Variants in PHKA1 observed in about 807,000 individuals in gnomAD.
The protein encoded by PHKA1 is phosphorylase b kinase regulatory subunit alpha, skeletal muscle isoform.
Under a neutral mutation model 110.2 loss-of-function variants are expected in PHKA1, and 60 were observed. The ratio of observed to expected loss-of-function variants is 0.54; its 90% CI spans 0.44 to 0.68. PHKA1 has a LOEUF of 0.68. PHKA1 is among the 30% of genes least tolerant of loss of function. PHKA1 has a pLI of 0.00. For synonymous variants in PHKA1, 316 were observed against 333.6 expected (o/e 0.95, Z 0.58); for missense variants, 801 against 942.5 (o/e 0.85, Z 1.97).
In PHKA1 at chrX:72,615,071, C is replaced by T. The variant is rs181664292; in HGVS notation, c.2369+3639G>A. Among the ~76,000 whole-genome samples, 360 of 110,711 alleles carry T rather than the reference C, an allele frequency of 3.3e-3. 1 individual carries two copies. The highest frequency in any genetic ancestry group is 0.011 in the African/African-American group (346 of 30,488). On this transcript the variant is annotated intron_variant, in intron 21 of 31. Transcript: ENST00000373542. Reference sequence around the variant, plus strand: ...TATAAGGGAATCTTAATAAGCCTAACGGCAGACTTCTCAGCAGAACCCTTA... The same window carrying T: ...TATAAGGGAATCTTAATAAGCCTAATGGCAGACTTCTCAGCAGAACCCTTA...
intron 3 of PHKA1, among the ~76,000 whole-genome samples, chrX:72,697,461 TGCATGTGG>T (rs1556327790): frequency 9.1e-6 from 1 of 109,999 alleles, no homozygotes; most frequent in Non-Finnish European, 1.9e-5. Flanking sequence ...TGTATATGTG[TGCATGTGG>T]GCATGTTTGT....
At chrX:72,696,055 G>A (rs184032618) in intron 3 of PHKA1, among the ~76,000 whole-genome samples, 179 bp from the exon 4 acceptor site, 272 of 112,000 alleles carry the variant, frequency 2.4e-3, no homozygotes, top group African/African-American at 7.6e-3. Flanking sequence ...TGGAAAGTCT[G>A]TTATTGTTGT....
At chrX:72,662,963 A>G (rs2053577673) in intron 8 of PHKA1, among the ~76,000 whole-genome samples, 1 of 110,932 alleles carries the variant, frequency 9.0e-6, no homozygotes, top group Non-Finnish European at 1.9e-5. Flanking sequence ...AGATGTGCAT[A>G]TATCAATTCA....
chrX:72,652,317 A>G (rs1342086778), intron 12 of PHKA1, among the ~76,000 whole-genome samples: 3 of 111,429 alleles, frequency 2.7e-5, no homozygotes, highest in Non-Finnish European at 5.7e-5. Context: ...ATACAGTGCC[A>G]AAGTAGGGAG....
chrX:72,691,879 C>A lies in PHKA1; in HGVS notation c.454+3829G>T, dbSNP rs782522992. On this transcript the variant is annotated intron_variant, in intron 4 of 31. Transcript: ENST00000373542. ...TCTTTTTATTGGCTATTTGCCCTTG[C>A]TAAACTGCCAGTACAATTTTAGATA... 6.3e-5 allele frequency among the ~76,000 whole-genome samples: 7 copies of A among 111,854 alleles called. No individual in the cohort carries two copies. In the East Asian group the frequency reaches 2.0e-3, roughly 31 times the overall value.
rs192051123 is a variant in PHKA1, at chrX:72,606,256, A to G, written c.2607-637T>C. ...CATCTCTTCAGCATCCCACCCCTAC[A>G]ATGGAATACTAGCTGTGCCTTTTTG... On this transcript the variant is annotated intron_variant, in intron 23 of 31. Transcript: ENST00000373542. Among the ~76,000 whole-genome samples, 358 of 111,417 alleles carry G rather than the reference A, an allele frequency of 3.2e-3. 8 individuals are homozygous for G. Among genetic ancestry groups the G allele is most frequent in the Admixed American group, 0.028 (295 of 10,415 alleles).
At chrX:72,669,943 G>T (rs1556308199) in intron 6 of PHKA1, among the ~76,000 whole-genome samples, 1 of 110,722 alleles carries the variant, frequency 9.0e-6, no homozygotes, top group Non-Finnish European at 1.9e-5. Context: ...CTAGATCCCT[G>T]AGGAATCGCC....
rs1026939357 is a variant in PHKA1 at position 72,699,273 on chromosome X, C to T, written c.286-3397G>A. Among the ~76,000 whole-genome samples the T allele has an allele frequency of 2.8e-5, 3 of 109,050 alleles. No individual in the cohort carries two copies. In the East Asian group the frequency reaches 8.6e-4, roughly 31 times the overall value. The allele number at this position is 109,050 out of a possible 115,157, so 94.7% of individuals were successfully genotyped here. On this transcript the variant is annotated intron_variant, in intron 3 of 31. Coordinates refer to ENST00000373542, the MANE Select transcript of PHKA1 (RefSeq NM_002637.4). ...CTGTAATACCAGCACTCTGGGAGGC[C>T]GAGGCAGGTGGAGGGGGTCAAGAGA...
intron 3 of PHKA1, among the ~76,000 whole-genome samples, chrX:72,698,291 TAA>T (rs1453378397): frequency 8.9e-6 from 1 of 112,017 alleles, no homozygotes; most frequent in Non-Finnish European, 1.9e-5. Flanking sequence ...TAAACATATA[TAA>T]GAGATCTAAT....
intron 14 of PHKA1, among the ~76,000 whole-genome samples, chrX:72,640,134 T>A (rs2053278917): frequency 9.0e-6 from 1 of 111,373 alleles, no homozygotes; most frequent in Admixed American, 9.6e-5. Flanking sequence ...TCTTTCTAAG[T>A]GTAACAGCAA....
intron 6 of PHKA1, among the ~76,000 whole-genome samples, chrX:72,670,383 G>C (rs1298568305): frequency 3.6e-5 from 4 of 111,509 alleles, no homozygotes; most frequent in Non-Finnish European, 7.5e-5. Flanking sequence ...AGTTTAATTA[G>C]ATCCCATTTG....
intron 2 of PHKA1, among the ~76,000 whole-genome samples, chrX:72,709,959 T>G (rs975486028): frequency 1.1e-4 from 12 of 105,458 alleles, no homozygotes; most frequent in African/African-American, 4.2e-4. Flanking sequence ...GGAGAATCGC[T>G]TGAACCTGGG....
chrX:72,675,021 TAA>T (rs74372049), intron 6 of PHKA1, among the ~76,000 whole-genome samples: 8 of 87,480 alleles, frequency 9.1e-5, no homozygotes, highest in Admixed American at 2.6e-4. Flanking sequence ...CTGTCTCTAC[TAA>T]AAAAAAAAAA....
intron 29 of PHKA1, among the ~76,000 whole-genome samples, chrX:72,586,774 A>G (rs1237453266): frequency 2.7e-5 from 3 of 110,202 alleles, no homozygotes; most frequent in Admixed American, 9.8e-5. Flanking sequence ...CACAAGAACT[A>G]CGTGACGCAC....
At chrX:72,631,131 T>C (rs2053160821) in intron 16 of PHKA1, among the ~76,000 whole-genome samples, 1 of 108,728 alleles carries the variant, frequency 9.2e-6, no homozygotes, top group Non-Finnish European at 1.9e-5. Context: ...TCAGTTATTA[T>C]ATTTTTCAGT....
At chrX:72,659,426 A>G (rs962265210) in intron 8 of PHKA1, among the ~76,000 whole-genome samples, 5 of 111,054 alleles carry the variant, frequency 4.5e-5, no homozygotes, top group African/African-American at 9.8e-5. Flanking sequence ...AGAAACCAAC[A>G]TTTGGACACT....
chrX:72,656,261 A>T lies in PHKA1; in HGVS notation c.919-19T>A. The T allele has an allele frequency of 8.3e-7, 1 of 1,203,684 alleles. No homozygotes were observed. The highest frequency in any genetic ancestry group is 1.1e-6 in the Non-Finnish European group (1 of 888,524). Reference sequence around the variant, plus strand: ...TGGGATCCTAGTAAAAACACAATAAAGTCTGTCATCACTCAGAGGTTAGAT... The same window carrying T: ...TGGGATCCTAGTAAAAACACAATAATGTCTGTCATCACTCAGAGGTTAGAT... On this transcript the variant is annotated intron_variant, in intron 9 of 31. Coordinates refer to ENST00000373542, the MANE Select transcript of PHKA1 (RefSeq NM_002637.4).
At chrX:72,627,995 T>C (rs1203319551) in intron 16 of PHKA1, among the ~76,000 whole-genome samples, 3 of 108,060 alleles carry the variant, frequency 2.8e-5, no homozygotes, top group Non-Finnish European at 5.7e-5. Flanking sequence ...TTTTTTGTAT[T>C]TTTTTTGTTT....
intron 5 of PHKA1, among the ~76,000 whole-genome samples, chrX:72,679,261 C>T (rs1262345232): frequency 9.0e-6 from 1 of 111,150 alleles, no homozygotes; most frequent in Non-Finnish European, 1.9e-5. Context: ...CCAGACTAGA[C>T]ATGACTCTGG....
Sources: allele counts gnomAD v4.1 joint callset (sites outside exome capture counted in the v4.1 genomes callset), GRCh38; gene constraint gnomAD v4.1.1; transcripts MANE v1.5; gene names NCBI Gene and HGNC (gene_info 2026-07-23, HGNC 2026-07-21).